Variants in NLGN1 observed in about 807,000 individuals in gnomAD.
NLGN1 encodes the protein neuroligin-1.
In NLGN1, 12 loss-of-function variants were observed where a neutral mutation model predicts 65.5. The observed-to-expected ratio is 0.18, with a 90% CI of 0.12 to 0.30. The LOEUF is 0.30. NLGN1 is among the 10% of genes least tolerant of loss of function. The probability of loss-of-function intolerance (pLI) is 1.00; values close to 1 mark genes in which losing one functional copy is unlikely to be tolerated. For missense variants in NLGN1, 750 were observed against 1,007.1 expected (o/e 0.74, Z 3.46); for synonymous variants, 350 against 359.5 (o/e 0.97, Z 0.30).
chr3:173,811,341 A>C (rs1280849566), intron 4 of NLGN1, among the ~76,000 whole-genome samples: 2 of 152,170 alleles, frequency 1.3e-5, no homozygotes, highest in South Asian at 2.1e-4. Flanking sequence ...AGGTGGGTGG[A>C]TGGCCTGAGG....
intron 4 of NLGN1, among the ~76,000 whole-genome samples, chr3:174,006,325 A>C (rs960573738): frequency 2.6e-5 from 4 of 152,178 alleles, no homozygotes; most frequent in Admixed American, 6.5e-5. Context: ...AGAATAAGTA[A>C]GTTTTCATCT....
intron 4 of NLGN1, among the ~76,000 whole-genome samples, chr3:174,269,936 T>C (rs565863516): frequency 6.6e-5 from 10 of 152,046 alleles, no homozygotes; most frequent in African/African-American, 2.4e-4. Context: ...TGAATATCTT[T>C]TCATGTGTTT....
intron 4 of NLGN1, among the ~76,000 whole-genome samples, chr3:174,266,871 C>CATT (rs539580417): frequency 3.1e-3 from 474 of 152,022 alleles, no homozygotes; most frequent in African/African-American, 0.01. Flanking sequence ...TTCTTGACTT[C>CATT]ATTTTTTTCA....
Position 173,987,203 on chromosome 3 carries a change from G to T in NLGN1, c.646+179371G>T, listed in dbSNP as rs908248639. Among the ~76,000 whole-genome samples, 3 of 152,244 alleles carry T rather than the reference G, an allele frequency of 2.0e-5. No individual in the cohort carries two copies. The East Asian group carries it at 5.8e-4, about 30-fold the overall frequency. On this transcript the variant is annotated intron_variant, in intron 4 of 6. Coordinates refer to ENST00000457714, the Ensembl canonical transcript of NLGN1. ...ACTCTTCTTTGAAGACCAGTCTAAT[G>T]CAATTTATACCTCTTCAGCCTAACA...
chr3:173,933,975 C>T (rs1232526969), intron 4 of NLGN1, among the ~76,000 whole-genome samples: 1 of 151,522 alleles, frequency 6.6e-6, no homozygotes, highest in Non-Finnish European at 1.5e-5. Flanking sequence ...AGAAATATTC[C>T]TCTCATTGAA....
intron 4 of NLGN1, among the ~76,000 whole-genome samples, chr3:173,809,113 G>A (rs142025397): frequency 6.6e-6 from 1 of 152,136 alleles, no homozygotes; most frequent in Non-Finnish European, 1.5e-5. Flanking sequence ...GTAAGTGTAG[G>A]TATAAAATAT....
At chr3:173,927,097 C>G (rs1743138154) in intron 4 of NLGN1, among the ~76,000 whole-genome samples, 1 of 151,998 alleles carries the variant, frequency 6.6e-6, no homozygotes, top group African/African-American at 2.4e-5. Context: ...GAGTTTCACT[C>G]TTGTCACCCA....
chr3:173,970,344 T>C (rs1715944913), intron 4 of NLGN1, among the ~76,000 whole-genome samples: 1 of 152,136 alleles, frequency 6.6e-6, no homozygotes, highest in South Asian at 2.1e-4. Flanking sequence ...AATCGCCTCA[T>C]TGGCCTGAGT....
chr3:173,487,881 T>C (rs891278926), intron 2 of NLGN1, among the ~76,000 whole-genome samples: 2 of 151,912 alleles, frequency 1.3e-5, no homozygotes, highest in African/African-American at 4.8e-5. Flanking sequence ...TTATTTTCAA[T>C]GCATTTTAAG....
At chr3:174,051,345 G>A (rs746704329) in intron 4 of NLGN1, among the ~76,000 whole-genome samples, 3 of 151,988 alleles carry the variant, frequency 2.0e-5, no homozygotes, top group Non-Finnish European at 4.4e-5. Context: ...GGCATACCAC[G>A]TCGGAAAGGT....
chr3:173,770,926 A>G (rs527667852), intron 3 of NLGN1, among the ~76,000 whole-genome samples: 180 of 152,288 alleles, frequency 1.2e-3, no homozygotes, highest in African/African-American at 4.0e-3. Context: ...TGCCAATAAC[A>G]TAGCCTTTCA....
At chr3:173,832,649 G>A (rs968276965) in intron 4 of NLGN1, among the ~76,000 whole-genome samples, 1 of 152,106 alleles carries the variant, frequency 6.6e-6, no homozygotes, top group Admixed American at 6.5e-5. Flanking sequence ...GTCAAATTTT[G>A]TTAACTTAGG....
chr3:173,757,285 G>A (rs1777284882), intron 3 of NLGN1, among the ~76,000 whole-genome samples: 1 of 151,924 alleles, frequency 6.6e-6, no homozygotes, highest in Non-Finnish European at 1.5e-5. Flanking sequence ...AGGAAACTCA[G>A]CATTATGTGA....
At chr3:173,835,116 T>A (rs963963124) in intron 4 of NLGN1, among the ~76,000 whole-genome samples, 1 of 152,214 alleles carries the variant, frequency 6.6e-6, no homozygotes, top group African/African-American at 2.4e-5. Flanking sequence ...CTATTTCTTT[T>A]GTCTCTTTGT....
At chr3:173,749,573 C>A (rs1187152809) in intron 3 of NLGN1, among the ~76,000 whole-genome samples, 1 of 151,978 alleles carries the variant, frequency 6.6e-6, no homozygotes, top group Non-Finnish European at 1.5e-5. Flanking sequence ...TAGAAAGACT[C>A]CCCTTCCAAA....
chr3:173,422,139 C>CTA lies in NLGN1; in HGVS notation c.-389-12864_-389-12863dup, dbSNP rs66883688. Among the ~76,000 whole-genome samples the CTA allele has an allele frequency of 2.5e-3, 364 of 148,094 alleles. 1 individual carries two copies. The highest frequency in any genetic ancestry group is 8.8e-3 in the African/African-American group (333 of 38,006). ...GTGTATGTGTACTATATATAGTACA[C>CTA]TATATATACACACACACACACACAT... is the stretch of plus-strand genomic sequence containing the variant. On this transcript the variant is annotated intron_variant, in intron 1 of 6. Coordinates refer to ENST00000457714, the Ensembl canonical transcript of NLGN1.
chr3:173,890,001 G>C (rs1307628080), intron 4 of NLGN1, among the ~76,000 whole-genome samples: 1 of 152,048 alleles, frequency 6.6e-6, no homozygotes, highest in Non-Finnish European at 1.5e-5. Flanking sequence ...GTGTGTGTGT[G>C]TGTGTGTGTG....
At chr3:174,193,515 T>G (rs1192279960) in intron 4 of NLGN1, among the ~76,000 whole-genome samples, 1 of 152,134 alleles carries the variant, frequency 6.6e-6, no homozygotes, top group Non-Finnish European at 1.5e-5. Flanking sequence ...GGAAACAGTT[T>G]TGTCAGAGGC....
intron 3 of NLGN1, among the ~76,000 whole-genome samples, chr3:173,638,650 TA>T (rs1265126907): frequency 1.3e-5 from 2 of 152,196 alleles, no homozygotes; most frequent in Non-Finnish European, 2.9e-5. Context: ...ACAAGAATTG[TA>T]ACTTTAAGGC....
Sources: gnomAD v4.1 joint callset for allele counts (sites outside exome capture counted in the v4.1 genomes callset) on GRCh38, gnomAD v4.1.1 for gene constraint, MANE v1.5 for transcripts, NCBI Gene and HGNC (gene_info 2026-07-23, HGNC 2026-07-21) for gene names.